Variants in CALCR observed in about 807,000 individuals in gnomAD.
CALCR encodes the protein calcitonin receptor.
CALCR carries 47 observed loss-of-function variants against 59.5 expected under a neutral mutation model. The observed-to-expected ratio is 0.79, with a 90% CI of 0.63 to 1.01. The LOEUF (loss-of-function observed/expected upper bound fraction) is 1.01, where lower values mean the gene tolerates loss of function less well. Ranked by LOEUF, CALCR falls within the 50% of genes least tolerant of loss-of-function variation. The pLI is 0.00. For synonymous variants in CALCR, 213 were observed against 211.3 expected (o/e 1.01, Z -0.07); for missense variants, 566 against 597.1 (o/e 0.95, Z 0.54).
At chr7:93,454,743 AT>A (rs1800174397) in intron 8 of CALCR, among the ~76,000 whole-genome samples, 1 of 151,220 alleles carries the variant, frequency 6.6e-6, no homozygotes, top group African/African-American at 2.5e-5. Context: ...GCCATGAGTT[AT>A]TTTGAGTTTA....
chr7:93,443,476 C>T lies in CALCR; in HGVS notation c.802+128G>A, dbSNP rs945256631. 1.5e-5 allele frequency: 12 copies of T among 816,730 alleles called. No homozygotes were observed. In the African/African-American group the frequency reaches 1.6e-4, roughly 11 times the overall value. 50.6% of individuals were successfully genotyped at this position (816,730 alleles called of 1,614,324 possible). A position where few individuals can be genotyped will look rare whatever the true frequency, so the allele number is the denominator to read the frequency against. ...TTGGAGACTGAACTCCTGCCAGTACCTGTGTTCCATCATTCCTTGAAGGAC... is the reference window on the plus strand; with the variant it reads ...TTGGAGACTGAACTCCTGCCAGTACTTGTGTTCCATCATTCCTTGAAGGAC... On this transcript the variant is annotated intron_variant, in intron 9 of 13. Transcript: ENST00000426151.
intron 2 of CALCR, among the ~76,000 whole-genome samples, chr7:93,548,318 C>A (rs1347437884): frequency 6.6e-6 from 1 of 152,234 alleles, no homozygotes; most frequent in East Asian, 1.9e-4. Context: ...GCGAATGACT[C>A]TAATGACCAG....
intron 2 of CALCR, among the ~76,000 whole-genome samples, chr7:93,523,298 A>G (rs1455578650): frequency 1.3e-5 from 2 of 152,112 alleles, no homozygotes; most frequent in Non-Finnish European, 2.9e-5. Flanking sequence ...TGTACCCCTC[A>G]CGGTCTCCTC....
chr7:93,552,355 C>T (rs1254616376), intron 2 of CALCR, among the ~76,000 whole-genome samples: 4 of 152,150 alleles, frequency 2.6e-5, no homozygotes, highest in Middle Eastern at 3.2e-3. Context: ...AGATGGAACT[C>T]GGGTGTCCTA....
At chr7:93,548,348 G>C (rs1480585829) in intron 2 of CALCR, among the ~76,000 whole-genome samples, 2 of 152,166 alleles carry the variant, frequency 1.3e-5, no homozygotes, top group African/African-American at 4.8e-5. Flanking sequence ...CTTTGTGCAA[G>C]TCTGGTGGTT....
chr7:93,569,040 C>T (rs1789937556), intron 2 of CALCR, among the ~76,000 whole-genome samples: 1 of 151,784 alleles, frequency 6.6e-6, no homozygotes, highest in African/African-American at 2.4e-5. Flanking sequence ...TTCTATCGTT[C>T]ACCAAATCCT....
intron 8 of CALCR, among the ~76,000 whole-genome samples, chr7:93,450,673 T>C (rs1252298570): frequency 6.6e-6 from 1 of 152,014 alleles, no homozygotes; most frequent in African/African-American, 2.4e-5. Context: ...ATCTTCTTTC[T>C]AGCATCTCCC....
intron 2 of CALCR, among the ~76,000 whole-genome samples, chr7:93,568,339 T>G (rs1324255067): frequency 6.6e-6 from 1 of 152,148 alleles, no homozygotes; most frequent in Non-Finnish European, 1.5e-5. Context: ...GTACAATCAG[T>G]GTCTCCATTT....
chr7:93,560,512 A>C (rs1789720267), intron 2 of CALCR, among the ~76,000 whole-genome samples: 1 of 152,044 alleles, frequency 6.6e-6, no homozygotes, highest in African/African-American at 2.4e-5. Flanking sequence ...TCCTTTATGC[A>C]CTGTAGGATC....
At chr7:93,448,965 T>C (rs567897346) in intron 8 of CALCR, among the ~76,000 whole-genome samples, 2 of 152,088 alleles carry the variant, frequency 1.3e-5, no homozygotes, top group Admixed American at 6.6e-5. Context: ...CAAATAAATA[T>C]GTTTGGAAAC....
intron 8 of CALCR, among the ~76,000 whole-genome samples, chr7:93,448,188 T>TCACA (rs201408231): frequency 6.6e-6 from 1 of 151,800 alleles, no homozygotes; most frequent in Non-Finnish European, 1.5e-5. Context: ...CTCTTAGCTT[T>TCACA]CACACACACA....
intron 2 of CALCR, among the ~76,000 whole-genome samples, chr7:93,565,842 T>C (rs1394054635): frequency 2.0e-5 from 3 of 152,232 alleles, no homozygotes; most frequent in African/African-American, 7.2e-5. Flanking sequence ...TTTTCTATGA[T>C]ACATCCTCAT....
chr7:93,530,989 C>G (rs1788819032), intron 2 of CALCR, among the ~76,000 whole-genome samples: 1 of 152,044 alleles, frequency 6.6e-6, no homozygotes, highest in Non-Finnish European at 1.5e-5. Flanking sequence ...TTTTGATAAG[C>G]CTTCCAGATG....
In CALCR at chr7:93,536,328, C is replaced by T. The variant is rs1387452097; in HGVS notation, c.-27+37961G>A. Among the ~76,000 whole-genome samples, 5 of 151,726 alleles carry T rather than the reference C, an allele frequency of 3.3e-5. No individual in the cohort carries two copies. In the South Asian group the frequency reaches 8.3e-4, roughly 25 times the overall value. ...TAATTGTGTTTGTGCTCTAATGATC[C>T]GCTTAGAGAAATCTGTCTCATAGTG... On this transcript the variant is annotated intron_variant, in intron 2 of 13. Coordinates refer to ENST00000426151, the MANE Select transcript of CALCR (RefSeq NM_001742.4).
chr7:93,441,027 G>T (rs1163018202), intron 9 of CALCR, among the ~76,000 whole-genome samples: 4 of 151,890 alleles, frequency 2.6e-5, no homozygotes, highest in Admixed American at 6.6e-5. Flanking sequence ...CCTTTGAATT[G>T]TTTATGTGTT....
At chr7:93,541,279 T>C (rs1182639539) in intron 2 of CALCR, among the ~76,000 whole-genome samples, 2 of 152,150 alleles carry the variant, frequency 1.3e-5, no homozygotes, top group Non-Finnish European at 2.9e-5. Context: ...GTTCAAGCGA[T>C]TCTCCCACCT....
At chr7:93,554,010 T>C (rs1179758023) in intron 2 of CALCR, among the ~76,000 whole-genome samples, 1 of 152,190 alleles carries the variant, frequency 6.6e-6, no homozygotes, top group Non-Finnish European at 1.5e-5. Context: ...CTATTTGTCA[T>C]TTCTGCTTTT....
rs1214297047 is a variant in CALCR at position 93,435,973 on chromosome 7, C to A, written c.1128G>T (p.Met376Ile). 3 of 1,609,220 alleles carry A rather than the reference C, an allele frequency of 1.9e-6. No individual in the cohort carries two copies. Among genetic ancestry groups the A allele is most frequent in the Admixed American group, 3.3e-5 (2 of 59,992 alleles). The change falls in exon 12 of 14, where the codon ATG (methionine) becomes ATT (isoleucine). Residue 376 changes from methionine (M) to isoleucine (I), a missense_variant. Transcript: ENST00000426151. The part of the protein sequence containing the change: ...KMLGKIYDYV[M>I]HSLIHFQGFF... Reference sequence around the variant, plus strand: ...TTACCTGGAAATGAATCAGAGAGTGCATCACGTAATCATATATCTTCCCAA... The same window carrying A: ...TTACCTGGAAATGAATCAGAGAGTGAATCACGTAATCATATATCTTCCCAA...
intron 7 of CALCR, among the ~76,000 whole-genome samples, chr7:93,466,112 A>T (rs1800435936): frequency 6.6e-6 from 1 of 151,846 alleles, no homozygotes; most frequent in Non-Finnish European, 1.5e-5. Flanking sequence ...AGTTTTATAA[A>T]ATTGTTTGGA....
Sources: allele counts gnomAD v4.1 joint callset (sites outside exome capture counted in the v4.1 genomes callset), GRCh38; gene constraint gnomAD v4.1.1; transcripts MANE v1.5; gene names NCBI Gene and HGNC (gene_info 2026-07-23, HGNC 2026-07-21).